The following KCNH8 variants were observed in gnomAD, a reference collection of about 807,000 sequenced individuals.
KCNH8 encodes voltage-gated delayed rectifier potassium channel KCNH8.
A neutral mutation model predicts 103.6 loss-of-function variants in KCNH8; 70 were observed. The observed-to-expected ratio is 0.68, with a 90% CI of 0.56 to 0.82. The LOEUF is 0.82. KCNH8 is among the 40% of genes least tolerant of loss of function. The probability of loss-of-function intolerance (pLI) is 0.00; values close to 1 mark genes in which losing one functional copy is unlikely to be tolerated. For synonymous variants in KCNH8, 498 were observed against 489.4 expected, an observed-to-expected ratio of 1.02 and a Z score of -0.23; for missense variants, 1,217 against 1,329.9, an observed-to-expected ratio of 0.92 and a Z score of 1.32.
intron 3 of KCNH8, among the ~76,000 whole-genome samples, chr3:19,319,877 C>T (rs1304604415): frequency 6.6e-6 from 1 of 151,996 alleles, no homozygotes; most frequent in East Asian, 1.9e-4. Flanking sequence ...AGGTCTTTCA[C>T]CTCTTTGGTT....
At chr3:19,438,578 A>C (rs1389151777) in intron 8 of KCNH8, among the ~76,000 whole-genome samples, 1 of 152,204 alleles carries the variant, frequency 6.6e-6, no homozygotes, top group Non-Finnish European at 1.5e-5. Context: ...GCATGCATTT[A>C]AGAAGAATGG....
intron 3 of KCNH8, among the ~76,000 whole-genome samples, chr3:19,295,582 C>T (rs144863842): frequency 1.3e-5 from 2 of 152,146 alleles, no homozygotes; most frequent in African/African-American, 2.4e-5. Context: ...ATGATACTGT[C>T]ATGGATGATA....
At position 19,450,094 on chromosome 3, in the gene KCNH8, TG is replaced by T. The variant is rs751148727; in HGVS notation, c.1376-11del. The T allele has an allele frequency of 6.2e-7, 1 of 1,611,338 alleles. No homozygotes were observed. Among genetic ancestry groups the T allele is most frequent in the Non-Finnish European group, 8.5e-7 (1 of 1,177,926 alleles). On this transcript the variant is annotated splice_polypyrimidine_tract_variant and intron_variant, in intron 8 of 15. Transcript: ENST00000328405. ...ATTTCTCTTCCATTATATACTGTGT[TG>T]TTCTTTCTAGCCTTGATGCACGCCT... is the stretch of plus-strand genomic sequence containing the variant.
intron 1 of KCNH8, among the ~76,000 whole-genome samples, chr3:19,169,991 T>C (rs1486988381): frequency 6.6e-6 from 1 of 152,212 alleles, no homozygotes; most frequent in Non-Finnish European, 1.5e-5. Flanking sequence ...TACCAACTAG[T>C]TTGGGAAGGA....
chr3:19,156,005 A>T (rs896511221), intron 1 of KCNH8, among the ~76,000 whole-genome samples: 1 of 152,152 alleles, frequency 6.6e-6, no homozygotes, highest in Non-Finnish European at 1.5e-5. Context: ...CTGAGTATTA[A>T]TTATATTTAT....
intron 1 of KCNH8, among the ~76,000 whole-genome samples, chr3:19,151,706 CTT>C (rs1261994629): frequency 1.3e-5 from 2 of 151,812 alleles, no homozygotes; most frequent in African/African-American, 4.8e-5. Context: ...CATTTTATAA[CTT>C]AGTGACACTT....
intron 7 of KCNH8, among the ~76,000 whole-genome samples, chr3:19,410,015 G>A (rs548695238): frequency 4.7e-4 from 72 of 152,088 alleles, no homozygotes; most frequent in Middle Eastern, 6.8e-3. Flanking sequence ...GCACTTGACC[G>A]ACTGGACCTA....
At chr3:19,511,536 T>C (rs1266396590) in intron 12 of KCNH8, among the ~76,000 whole-genome samples, 1 of 152,176 alleles carries the variant, frequency 6.6e-6, no homozygotes, top group African/African-American at 2.4e-5. Context: ...CTGTTGTGTC[T>C]TTAGCTGGGT....
chr3:19,380,292 C>T (rs2066271330), intron 5 of KCNH8, among the ~76,000 whole-genome samples: 1 of 152,190 alleles, frequency 6.6e-6, no homozygotes, highest in South Asian at 2.1e-4. Context: ...CTGGCAACTT[C>T]ACATTTTTGG....
chr3:19,203,551 C>A (rs1291321311), intron 1 of KCNH8, among the ~76,000 whole-genome samples: 9 of 151,870 alleles, frequency 5.9e-5, no homozygotes, highest in Admixed American at 5.9e-4. Flanking sequence ...TTCACAATTT[C>A]TAATATGTTA....
intron 7 of KCNH8, among the ~76,000 whole-genome samples, chr3:19,424,956 T>C (rs987391979): frequency 2.6e-5 from 4 of 151,962 alleles, no homozygotes; most frequent in African/African-American, 7.2e-5. Flanking sequence ...ACAAAACCCA[T>C]CCCCACGTCA....
Position 19,533,666 on chromosome 3 carries a change from C to A in KCNH8, c.2891C>A (p.Ser964Tyr), listed in dbSNP as rs376326372. 1 of 1,613,892 alleles carries A rather than the reference C, an allele frequency of 6.2e-7. No homozygotes were observed. The highest frequency in any genetic ancestry group is 1.3e-5 in the African/African-American group (1 of 74,850). The change falls in exon 16 of 16, where the codon TCC (serine) becomes TAC (tyrosine). Residue 964 changes from serine (S) to tyrosine (Y), a missense_variant. Transcript: ENST00000328405. ...ITSDIWSVDPSSVGSSPQRTG... is the reference protein window; with the variant it reads ...ITSDIWSVDPYSVGSSPQRTG... ...TCAGACATTTGGAGTGTGGATCCCTCCTCTGTGGGGAGCAGCCCCCAACGA... is the reference window on the plus strand; with the variant it reads ...TCAGACATTTGGAGTGTGGATCCCTACTCTGTGGGGAGCAGCCCCCAACGA...
At chr3:19,359,349 T>C (rs1309593958) in intron 5 of KCNH8, among the ~76,000 whole-genome samples, 1 of 149,660 alleles carries the variant, frequency 6.7e-6, no homozygotes, top group African/African-American at 2.5e-5. Context: ...CTTATATATA[T>C]ATGTGTGTTG....
intron 5 of KCNH8, among the ~76,000 whole-genome samples, chr3:19,349,913 A>G (rs911101347): frequency 3.9e-4 from 60 of 152,056 alleles, no homozygotes; most frequent in African/African-American, 1.4e-3. Context: ...ATGCAAAGGA[A>G]TGAAAACCCA....
chr3:19,338,603 C>T (rs868030825), intron 3 of KCNH8, among the ~76,000 whole-genome samples: 4 of 152,082 alleles, frequency 2.6e-5, no homozygotes, highest in Middle Eastern at 3.4e-3. Context: ...TAGTAAGGCA[C>T]GGTGGTCAAC....
chr3:19,460,095 T>A (rs1393723493), intron 11 of KCNH8, among the ~76,000 whole-genome samples: 1 of 152,116 alleles, frequency 6.6e-6, no homozygotes. Context: ...TTCCTCAAAA[T>A]AAGATTTTCT....
intron 1 of KCNH8, among the ~76,000 whole-genome samples, chr3:19,211,657 TC>T (rs1167988053): frequency 3.9e-5 from 6 of 152,024 alleles, no homozygotes; most frequent in Non-Finnish European, 5.9e-5. Context: ...TCCTCTTCAT[TC>T]CCCCTATTCT....
intron 3 of KCNH8, among the ~76,000 whole-genome samples, chr3:19,300,600 A>G (rs933777581): frequency 6.6e-6 from 1 of 152,152 alleles, no homozygotes; most frequent in Non-Finnish European, 1.5e-5. Context: ...ATATTTAGAA[A>G]TTTAATTTTC....
At chr3:19,278,653 G>A (rs1164849636) in intron 2 of KCNH8, among the ~76,000 whole-genome samples, 1 of 152,176 alleles carries the variant, frequency 6.6e-6, no homozygotes, top group African/African-American at 2.4e-5. Flanking sequence ...TAGGCACTAG[G>A]AAGGTAGACA....
Sources: allele counts gnomAD v4.1 joint callset (sites outside exome capture counted in the v4.1 genomes callset), GRCh38; gene constraint gnomAD v4.1.1; transcripts MANE v1.5; gene names NCBI Gene and HGNC (gene_info 2026-07-23, HGNC 2026-07-21).